Variants in INTS14 observed in about 807,000 individuals in gnomAD.
INTS14 encodes the protein integrator complex subunit 14.
Under a neutral mutation model 56.9 loss-of-function variants are expected in INTS14, and 27 were observed. The ratio of observed to expected loss-of-function variants is 0.47; its 90% CI spans 0.35 to 0.65. INTS14 has a LOEUF of 0.65. Among genes scored for constraint, INTS14 ranks in the 30% least tolerant of loss-of-function variants. The pLI, the probability that INTS14 is intolerant of heterozygous loss-of-function variation, is 0.00. For missense variants in INTS14, 517 were observed against 632.2 expected, an observed-to-expected ratio of 0.82 and a Z score of 1.95; for synonymous variants, 207 against 236.2, an observed-to-expected ratio of 0.88 and a Z score of 1.13.
In INTS14 at chr15:65,598,904, G is replaced by A. The variant is rs1486547709; in HGVS notation, c.573C>T (p.Pro191=). 2.5e-6 allele frequency: 4 copies of A among 1,613,800 alleles called. No homozygotes were observed. The highest frequency in any genetic ancestry group is 1.7e-5 in the Admixed American group (1 of 59,978). The change falls in exon 5 of 12, where the codon CCC becomes CCT. Residue 191 remains proline (P), a synonymous_variant. Transcript: ENST00000313182. ...TAGACTGTACATTCTTCAAGCACAG[G>A]GGGCCATCAATAGTAAAAATCTGCC... ...GEGQIFTIDG[P]LCLKNVQSMF...
intron 1 of INTS14, among the ~76,000 whole-genome samples, chr15:65,608,052 C>T (rs2073718512): frequency 6.6e-6 from 1 of 152,176 alleles, no homozygotes; most frequent in African/African-American, 2.4e-5. Context: ...GCCAATGGTG[C>T]TTCAACTGTG....
chr15:65,598,703 T>G, intron 5 of INTS14, 169 bp downstream of exon 5: 1 of 707,138 alleles, frequency 1.4e-6, no homozygotes, highest in African/African-American at 1.8e-5. Context: ...ACAGACAGTA[T>G]AGATTTACTT....
At chr15:65,601,490 G>A (rs907367345) in intron 3 of INTS14, among the ~76,000 whole-genome samples, 4 of 152,126 alleles carry the variant, frequency 2.6e-5, no homozygotes, top group African/African-American at 7.2e-5. Context: ...CTACAGGTGT[G>A]TGCCATAAAG....
At chr15:65,604,152 G>C (rs150883904) in intron 3 of INTS14, among the ~76,000 whole-genome samples, 1 of 152,074 alleles carries the variant, frequency 6.6e-6, no homozygotes, top group African/African-American at 2.4e-5. Flanking sequence ...GCGCAATCTC[G>C]GCTGACTGCA....
chr15:65,608,364 C>CAAAAA (rs35399300), intron 1 of INTS14, among the ~76,000 whole-genome samples: 33 of 63,990 alleles, frequency 5.2e-4, no homozygotes, highest in African/African-American at 1.6e-3. Context: ...GGCTCCATCT[C>CAAAAA]AAAAAAAAAA....
intron 1 of INTS14, among the ~76,000 whole-genome samples, chr15:65,609,364 C>G (rs1035810612): frequency 6.6e-6 from 1 of 151,780 alleles, no homozygotes; most frequent in Non-Finnish European, 1.5e-5. Context: ...CTGAAAGTTC[C>G]TGAAGGATGG....
intron 3 of INTS14, among the ~76,000 whole-genome samples, chr15:65,602,659 A>G (rs1057301646): frequency 6.7e-6 from 1 of 149,694 alleles, no homozygotes; most frequent in African/African-American, 2.5e-5. Context: ...CACCACCTCT[A>G]CTACAATGTT....
chr15:65,607,359 C>T lies in INTS14; in HGVS notation c.22G>A (p.Asp8Asn). Residue 8 changes from aspartate (D) to asparagine (N), a missense_variant, in exon 2 of 12, where the codon GAT becomes AAT. By Grantham distance (23) the Asp-to-Asn change is conservative. Transcript: ENST00000313182. ...GGTCGGGTCATGGAAAGGGATACATCCATTACCACCACTGTCGGCATGATG... is the reference window on the plus strand; with the variant it reads ...GGTCGGGTCATGGAAAGGGATACATTCATTACCACCACTGTCGGCATGATG... MPTVVVMDVSLSMTRPVS... is the reference protein window; with the variant it reads MPTVVVMNVSLSMTRPVS... The T allele has an allele frequency of 1.2e-6, 2 of 1,614,166 alleles. No individual in the cohort carries two copies. The highest frequency in any genetic ancestry group is 1.7e-6 in the Non-Finnish European group (2 of 1,180,032).
At chr15:65,580,770 C>G (rs2141241621) in intron 11 of INTS14, among the ~76,000 whole-genome samples, 1 of 152,270 alleles carries the variant, frequency 6.6e-6, no homozygotes. Context: ...AGCCAAACAC[C>G]AGAACAATAG....
intron 8 of INTS14, 30 bp from the exon 9 acceptor site, chr15:65,591,761 G>A (rs2073042134): frequency 6.2e-7 from 1 of 1,611,600 alleles, no homozygotes; most frequent in Non-Finnish European, 8.5e-7. Flanking sequence ...AAGATCAGAA[G>A]AACATCAAGC....
At chr15:65,586,057 G>C (rs571785798) in intron 9 of INTS14, among the ~76,000 whole-genome samples, 1 of 150,774 alleles carries the variant, frequency 6.6e-6, no homozygotes, top group African/African-American at 2.4e-5. Flanking sequence ...TGCCTAGAAT[G>C]CTCTCCCTTC....
At chr15:65,595,638 TA>T in intron 7 of INTS14, 94 bp downstream of exon 7, 1 of 993,612 alleles carries the variant, frequency 1.0e-6, no homozygotes, top group Non-Finnish European at 1.5e-6. Context: ...TCCTTTCCCC[TA>T]AATTCTGCAA....
intron 11 of INTS14, among the ~76,000 whole-genome samples, chr15:65,580,838 AACAGTCTCTTC>A (rs2072578270): frequency 6.6e-6 from 1 of 152,210 alleles, no homozygotes. Context: ...CCTGTAACTT[AACAGTCTCTTC>A]ACCAATCGTT....
At chr15:65,607,759 T>A (rs945896468) in intron 1 of INTS14, among the ~76,000 whole-genome samples, 1 of 152,170 alleles carries the variant, frequency 6.6e-6, no homozygotes, top group Non-Finnish European at 1.5e-5. Flanking sequence ...AACTCCCACA[T>A]CTCCTAACAC....
rs775406911 is a variant in INTS14 at position 65,591,561 on chromosome 15, CAA to C, written c.1120+35_1120+36del. ...GACATTGAGAACAGCAGAATGAAAA[CAA>C]AGTCAGGATAAGTAAAATCTGATCT... On this transcript the variant is annotated intron_variant, in intron 9 of 11. Coordinates refer to ENST00000313182, the MANE Select transcript of INTS14 (RefSeq NM_001394796.1). 8 of 1,603,076 alleles carry C rather than the reference CAA, an allele frequency of 5.0e-6. No individual in the cohort carries two copies. The South Asian group carries it at 5.6e-5, about 11-fold the overall frequency.
At chr15:65,602,439 C>A (rs2073472631) in intron 3 of INTS14, among the ~76,000 whole-genome samples, 1 of 151,916 alleles carries the variant, frequency 6.6e-6, no homozygotes, top group Non-Finnish European at 1.5e-5. Context: ...TGAACGACAC[C>A]ACACTTAGCT....
intron 1 of INTS14, chr15:65,610,727 C>T: frequency 6.5e-7 from 1 of 1,535,724 alleles, no homozygotes; most frequent in Non-Finnish European, 8.7e-7. Context: ...AGTCCCTCCC[C>T]AGTTCTCAGA....
rs2072491453 is a variant in INTS14, at chr15:65,579,379, A to AG, written c.*28_*29insC. 1 of 1,597,590 alleles carries AG rather than the reference A, an allele frequency of 6.3e-7. No individual in the cohort carries two copies. The highest frequency in any genetic ancestry group is 1.3e-5 in the African/African-American group (1 of 74,524). On this transcript the variant is annotated 3_prime_UTR_variant, in exon 12 of 12. Transcript: ENST00000313182. Reference sequence around the variant, plus strand: ...CCTAAAGCATTTTCAGTTGAAATGAAAAAAGAAGGAAAGCTCCAAAAGTCA... The same window carrying AG: ...CCTAAAGCATTTTCAGTTGAAATGAAGAAAAGAAGGAAAGCTCCAAAAGTCA...
At chr15:65,583,752 AT>A (rs1381435835) in intron 10 of INTS14, among the ~76,000 whole-genome samples, 1 of 152,222 alleles carries the variant, frequency 6.6e-6, no homozygotes, top group Non-Finnish European at 1.5e-5. Flanking sequence ...ATTAAAAAAA[AT>A]AATTTAAGAA....
Sources: allele counts gnomAD v4.1 joint callset (sites outside exome capture counted in the v4.1 genomes callset), GRCh38; gene constraint gnomAD v4.1.1; transcripts MANE v1.5; gene names NCBI Gene and HGNC (gene_info 2026-07-23, HGNC 2026-07-21).